The following KAZN variants were observed in gnomAD, a reference collection of about 807,000 sequenced individuals.
KAZN encodes kazrin, periplakin interacting protein.
In KAZN, 40 loss-of-function variants were observed where a neutral mutation model predicts 87.4. The observed-to-expected ratio is 0.46, with a 90% CI of 0.36 to 0.60. The LOEUF (loss-of-function observed/expected upper bound fraction) is 0.60. Among genes scored for constraint, KAZN ranks in the 20% least tolerant of loss-of-function variants. The pLI is 0.00. For synonymous variants in KAZN, 466 were observed against 458.3 expected, an observed-to-expected ratio of 1.02 and a Z score of -0.22; for missense variants, 898 against 1,073.9, an observed-to-expected ratio of 0.84 and a Z score of 2.29.
intron 1 of KAZN, among the ~76,000 whole-genome samples, chr1:14,939,649 G>A (rs1660836630): frequency 6.6e-6 from 1 of 151,742 alleles, no homozygotes; most frequent in South Asian, 2.1e-4. Flanking sequence ...CTTGCATAGG[G>A]TGGAGTGTGT....
rs1412862994 is a variant in KAZN at position 14,735,268 on chromosome 1, G to T, written c.226+136045G>T. On this transcript the variant is annotated intron_variant, in intron 1 of 14. Transcript: ENST00000376030. This position sits in a 1 kb window ranked among gnomAD's most constrained non-coding sequence, Gnocchi z 4.3. Reference sequence around the variant, plus strand: ...GTAGAGACGGGGTTTCACCGTGTTAGCCAGGATGGTCTCGATCTCCTGACC... The same window carrying T: ...GTAGAGACGGGGTTTCACCGTGTTATCCAGGATGGTCTCGATCTCCTGACC... Among the ~76,000 whole-genome samples, 2 of 152,140 alleles carry T rather than the reference G, an allele frequency of 1.3e-5. No homozygotes were observed. The highest frequency in any genetic ancestry group is 4.1e-4 in the South Asian group (2 of 4,822).
At chr1:14,341,702 G>C (rs557751292) in intron 2 of KAZN, among the ~76,000 whole-genome samples, 16 of 152,194 alleles carry the variant, frequency 1.1e-4, no homozygotes, top group Admixed American at 7.9e-4. Context: ...CCATATGGGG[G>C]TTCCAATCTG....
chr1:13,976,503 C>G (rs991367680), intron 1 of KAZN, among the ~76,000 whole-genome samples: 1 of 151,752 alleles, frequency 6.6e-6, no homozygotes, highest in Admixed American at 6.6e-5. Flanking sequence ...TTAAAAATAT[C>G]TAGGATGCTG....
intron 2 of KAZN, among the ~76,000 whole-genome samples, chr1:14,509,547 G>A (rs144491123): frequency 2.0e-5 from 3 of 152,318 alleles, no homozygotes; most frequent in Non-Finnish European, 4.4e-5. Flanking sequence ...GAGGAGCCTC[G>A]TAGGGCCGTG....
At chr1:14,597,559 A>G (rs1676590733), upstream of KAZN, among the ~76,000 whole-genome samples, 1 of 152,138 alleles carries the variant, frequency 6.6e-6, no homozygotes, top group Admixed American at 6.5e-5. Context: ...AGAGATAAGA[A>G]TGCATATAAA....
chr1:14,487,616 T>C (rs2148402634), intron 2 of KAZN, among the ~76,000 whole-genome samples: 1 of 152,284 alleles, frequency 6.6e-6, no homozygotes, highest in South Asian at 2.1e-4. Flanking sequence ...ACCCAGAGGC[T>C]TTTAAAAGTG....
At chr1:14,429,228 G>A (rs1244852233) in intron 2 of KAZN, among the ~76,000 whole-genome samples, 15 of 152,146 alleles carry the variant, frequency 9.9e-5, no homozygotes, top group South Asian at 2.1e-4. Flanking sequence ...AATCCCATCA[G>A]CATCTCTGAG....
At chr1:14,233,662 C>CT (rs1452922341) in intron 2 of KAZN, among the ~76,000 whole-genome samples, 1 of 152,330 alleles carries the variant, frequency 6.6e-6, no homozygotes, top group South Asian at 2.1e-4. Context: ...TGTCAAACAG[C>CT]TTTCTTAATA....
chr1:14,312,031 G>A (rs1423443240), intron 2 of KAZN, among the ~76,000 whole-genome samples: 1 of 152,134 alleles, frequency 6.6e-6, no homozygotes, highest in Admixed American at 6.6e-5. Context: ...AACGGCAGAT[G>A]AAGAAAGACA....
chr1:14,570,099 C>G (rs144583921), intron 2 of KAZN, among the ~76,000 whole-genome samples: 1 of 151,762 alleles, frequency 6.6e-6, no homozygotes, highest in Non-Finnish European at 1.5e-5. Flanking sequence ...GGTGACAGAG[C>G]GAGACTCCGT....
intron 1 of KAZN, among the ~76,000 whole-genome samples, chr1:13,985,982 A>C (rs1638996637): frequency 6.6e-6 from 1 of 152,230 alleles, no homozygotes; most frequent in African/African-American, 2.4e-5. Flanking sequence ...GTGCTATAAC[A>C]AGTTTTTGTG....
At chr1:14,296,290 C>T (rs548528638) in intron 2 of KAZN, among the ~76,000 whole-genome samples, 131 of 152,274 alleles carry the variant, frequency 8.6e-4, no homozygotes, top group African/African-American at 3.1e-3. Flanking sequence ...CTGTTACAGA[C>T]GTGACAATGT....
At position 14,008,713 on chromosome 1, in the gene KAZN, T is replaced by C. The variant is rs1366821637; in HGVS notation, c.91+114957T>C. On this transcript the variant is annotated intron_variant, in intron 1 of 16. Coordinates refer to the KAZN transcript ENST00000636203. ...AGGATGAAAATGTTGATGAGGATGG[T>C]GGTACCGATATAGCCAGGTGCTATT... Among the ~76,000 whole-genome samples, 4 of 152,168 alleles carry C rather than the reference T, an allele frequency of 2.6e-5. No individual in the cohort carries two copies. In the East Asian group the frequency reaches 7.7e-4, roughly 29 times the overall value.
chr1:14,319,658 AGT>A (rs1157323188), intron 2 of KAZN, among the ~76,000 whole-genome samples: 69 of 152,268 alleles, frequency 4.5e-4, no homozygotes, highest in African/African-American at 1.6e-3. Flanking sequence ...GACAGCCTGC[AGT>A]GTAAGCTCCG....
intron 2 of KAZN, among the ~76,000 whole-genome samples, chr1:14,502,493 G>A (rs1026943446): frequency 6.6e-6 from 1 of 152,154 alleles, no homozygotes; most frequent in African/African-American, 2.4e-5. Context: ...GGTAAGGGCA[G>A]GAGTAGGGGG....
intron 3 of KAZN, among the ~76,000 whole-genome samples, chr1:15,042,558 C>T (rs1380143341): frequency 6.6e-6 from 1 of 152,128 alleles, no homozygotes; most frequent in Non-Finnish European, 1.5e-5. Flanking sequence ...TTCCTTCATG[C>T]AGACCCACAC....
intron 2 of KAZN, among the ~76,000 whole-genome samples, chr1:14,544,126 A>G (rs1672980353): frequency 6.6e-6 from 1 of 152,148 alleles, no homozygotes; most frequent in African/African-American, 2.4e-5. Context: ...TTGAAATCAG[A>G]AATTTAAAGA....
chr1:14,423,429 G>A (rs1557711700), intron 2 of KAZN, among the ~76,000 whole-genome samples: 1 of 152,128 alleles, frequency 6.6e-6, no homozygotes, highest in Non-Finnish European at 1.5e-5. Context: ...GTATTTTCTT[G>A]TAAAAATATC....
chr1:13,941,921 A>G (rs1640942595), intron 1 of KAZN, among the ~76,000 whole-genome samples: 2 of 152,206 alleles, frequency 1.3e-5, no homozygotes, highest in African/African-American at 4.8e-5. Flanking sequence ...GCATTTGACA[A>G]TTGCAACCTG....
Sources: gnomAD v4.1 joint callset for allele counts (sites outside exome capture counted in the v4.1 genomes callset) on GRCh38, gnomAD v4.1.1 for gene constraint, Gnocchi (gnomAD v3.1) non-coding constraint, MANE v1.5 for transcripts, NCBI Gene and HGNC (gene_info 2026-07-23, HGNC 2026-07-21) for gene names.